SAMD12: variants seen among roughly 807,000 people sequenced by gnomAD.
The protein encoded by SAMD12 is sterile alpha motif domain-containing protein 12.
Under a neutral mutation model 15.0 loss-of-function variants are expected in SAMD12, and 9 were observed. That is an observed-to-expected ratio of 0.60 (90% CI 0.36 to 1.05). SAMD12 has a LOEUF of 1.05. SAMD12 is among the 50% of genes least tolerant of loss of function. The pLI, the probability that SAMD12 is intolerant of heterozygous loss-of-function variation, is 0.01. For synonymous variants in SAMD12, 86 were observed against 90.1 expected (o/e 0.96, Z 0.25); for missense variants, 230 against 234.2 (o/e 0.98, Z 0.12).
At chr8:118,557,217 G>T (rs967127946) in intron 2 of SAMD12, among the ~76,000 whole-genome samples, 5 of 152,162 alleles carry the variant, frequency 3.3e-5, no homozygotes, top group African/African-American at 1.2e-4. Flanking sequence ...GTTCTCAAGA[G>T]ACCTGATGGT....
At chr8:118,142,134 G>A in the SAMD12 span, among the ~76,000 whole-genome samples, 3 of 152,164 alleles carry the variant, frequency 2.0e-5, no homozygotes, top group Non-Finnish European at 2.9e-5. Flanking sequence ...GTTGTTCCAA[G>A]GCCTCAGAGG....
At position 118,321,097 on chromosome 8, in the gene SAMD12, CATATATA is replaced by C. The variant is rs1348325115; in HGVS notation, c.433+58456_433+58462del. Among the ~76,000 whole-genome samples, 50 of 88,926 alleles carry C rather than the reference CATATATA, an allele frequency of 5.6e-4. 1 individual carries two copies. The highest frequency in any genetic ancestry group is 1.7e-3 in the African/African-American group (24 of 13,962). The allele number at this position is 88,926 out of a possible 152,430, so 58.3% of individuals were successfully genotyped here. A position where few individuals can be genotyped will look rare whatever the true frequency, so the allele number is the denominator to read the frequency against. On this transcript the variant is annotated intron_variant, in intron 4 of 4. Transcript: ENST00000409003. ...AAGTTGATGAATACATATATAATAA[CATATATA>C]ATATATATGATATATATAACATATA...
At chr8:118,258,872 A>G (rs1439702689) in intron 4 of SAMD12, among the ~76,000 whole-genome samples, 2 of 152,122 alleles carry the variant, frequency 1.3e-5, no homozygotes, top group Non-Finnish European at 2.9e-5. Context: ...GAATTGAGAA[A>G]TGAGAAGGCC....
the SAMD12 span, among the ~76,000 whole-genome samples, chr8:118,156,242 G>A: frequency 6.6e-6 from 1 of 152,010 alleles, no homozygotes; most frequent in Non-Finnish European, 1.5e-5. Context: ...ACTTTACATG[G>A]CAATGATAAT....
chr8:118,618,559 G>A (rs1023059431), intron 1 of SAMD12, among the ~76,000 whole-genome samples: 3 of 152,070 alleles, frequency 2.0e-5, no homozygotes, highest in African/African-American at 7.2e-5. Context: ...CTCACAATGA[G>A]CAGGGCACGG....
At chr8:118,306,069 T>C (rs1815334721) in intron 4 of SAMD12, among the ~76,000 whole-genome samples, 1 of 152,156 alleles carries the variant, frequency 6.6e-6, no homozygotes, top group Admixed American at 6.6e-5. Context: ...TCAGGGAAGG[T>C]AGAAACTTCC....
chr8:118,566,908 C>A (rs1224259755), intron 2 of SAMD12, among the ~76,000 whole-genome samples: 1 of 152,132 alleles, frequency 6.6e-6, no homozygotes, highest in African/African-American at 2.4e-5. Context: ...GATGAACAAA[C>A]AAAACTTGGT....
intron 4 of SAMD12, among the ~76,000 whole-genome samples, chr8:118,218,546 C>T (rs1812015417): frequency 6.6e-6 from 1 of 151,350 alleles, no homozygotes; most frequent in Non-Finnish European, 1.5e-5. Context: ...CATCCCCAGC[C>T]CCTAGCAACC....
intron 3 of SAMD12, among the ~76,000 whole-genome samples, chr8:118,429,708 A>G (rs1822339374): frequency 6.6e-6 from 1 of 152,168 alleles, no homozygotes; most frequent in African/African-American, 2.4e-5. Context: ...AATCTGGCCA[A>G]CATTGTGAAA....
At chr8:118,426,807 G>GT (rs1179491611) in intron 3 of SAMD12, among the ~76,000 whole-genome samples, 2 of 139,296 alleles carry the variant, frequency 1.4e-5, no homozygotes, top group African/African-American at 3.3e-5. Context: ...TTTTGAAATC[G>GT]TGAGTATTTT....
At chr8:118,269,707 C>A (rs1167318989) in intron 4 of SAMD12, among the ~76,000 whole-genome samples, 1 of 152,152 alleles carries the variant, frequency 6.6e-6, no homozygotes, top group Non-Finnish European at 1.5e-5. Context: ...GGTTTTTGGT[C>A]TCTTTTATTG....
intron 2 of SAMD12, among the ~76,000 whole-genome samples, chr8:118,463,746 C>T (rs181978943): frequency 1.3e-4 from 20 of 152,174 alleles, no homozygotes; most frequent in South Asian, 6.2e-4. Flanking sequence ...ACATCCCACA[C>T]GCTTGGCCTG....
intron 4 of SAMD12, among the ~76,000 whole-genome samples, chr8:118,205,173 G>C (rs1276819120): frequency 1.3e-5 from 2 of 152,188 alleles, no homozygotes; most frequent in African/African-American, 4.8e-5. Context: ...CTCAAATTCA[G>C]ACTGGAACCA....
chr8:118,326,686 C>T (rs1356929574), intron 4 of SAMD12, among the ~76,000 whole-genome samples: 1 of 152,098 alleles, frequency 6.6e-6, no homozygotes, highest in Non-Finnish European at 1.5e-5. Context: ...AAATTTAATC[C>T]TGCAGGACCC....
intron 1 of SAMD12, among the ~76,000 whole-genome samples, chr8:118,588,300 T>G (rs1028627440): frequency 6.6e-6 from 1 of 152,120 alleles, no homozygotes; most frequent in Non-Finnish European, 1.5e-5. Context: ...GTTTAGCTAA[T>G]AGAAAGGGAG....
chr8:118,343,332 T>A (rs989686813), intron 4 of SAMD12, among the ~76,000 whole-genome samples: 3 of 151,904 alleles, frequency 2.0e-5, no homozygotes, highest in Non-Finnish European at 4.4e-5. Flanking sequence ...AGAGAAAATC[T>A]GGTGGAAAAA....
At chr8:118,149,887 T>C in the SAMD12 span, among the ~76,000 whole-genome samples, 4 of 152,140 alleles carry the variant, frequency 2.6e-5, no homozygotes. Context: ...ATTGACCATA[T>C]ACATACGGGT....
chr8:118,376,034 A>G (rs1466491748), downstream of SAMD12, among the ~76,000 whole-genome samples: 3 of 152,196 alleles, frequency 2.0e-5, no homozygotes, highest in African/African-American at 7.2e-5. Context: ...TTTGTAGCTA[A>G]GAGTACACCA....
At chr8:118,204,340 A>G (rs188126055) in intron 4 of SAMD12, among the ~76,000 whole-genome samples, 2 of 152,286 alleles carry the variant, frequency 1.3e-5, no homozygotes, top group East Asian at 3.9e-4. Context: ...CGCTGGTCCC[A>G]TGTCTGCCAC....
Sources: gnomAD v4.1 joint callset for allele counts (sites outside exome capture counted in the v4.1 genomes callset) on GRCh38, gnomAD v4.1.1 for gene constraint, MANE v1.5 for transcripts, NCBI Gene and HGNC (gene_info 2026-07-23, HGNC 2026-07-21) for gene names.